The following TBC1D21 variants were observed in gnomAD, a reference collection of about 807,000 sequenced individuals.
TBC1D21 encodes TBC1 domain family member 21.
Under a neutral mutation model 46.0 loss-of-function variants are expected in TBC1D21, and 38 were observed. The ratio of observed to expected loss-of-function variants is 0.83; its 90% CI spans 0.64 to 1.08. TBC1D21 has a LOEUF of 1.08. TBC1D21 is among the 50% of genes least tolerant of loss of function. The pLI is 0.00. For synonymous variants in TBC1D21, 151 were observed against 157.2 expected (o/e 0.96, Z 0.29); for missense variants, 415 against 417.9 (o/e 0.99, Z 0.06).
chr15:73,894,142 G>A (rs1027549904), downstream of TBC1D21, among the ~76,000 whole-genome samples: 23 of 152,300 alleles, frequency 1.5e-4, no homozygotes, highest in Admixed American at 1.5e-3. Flanking sequence ...AATGCTGATG[G>A]GCGAACCCCA....
downstream of TBC1D21, among the ~76,000 whole-genome samples, chr15:73,892,478 G>T (rs1030913431): frequency 2.6e-5 from 4 of 152,206 alleles, no homozygotes; most frequent in African/African-American, 9.7e-5. Flanking sequence ...GGGGCTCTGT[G>T]GTTCTTGGTG....
chr15:73,909,258 G>A, the TBC1D21 span, among the ~76,000 whole-genome samples: 1 of 152,018 alleles, frequency 6.6e-6, no homozygotes, highest in African/African-American at 2.4e-5. Context: ...TGTAGTCCCA[G>A]CTACTCCAGA....
At chr15:73,887,994 A>G (rs1317981078) in intron 9 of TBC1D21, among the ~76,000 whole-genome samples, 1 of 152,242 alleles carries the variant, frequency 6.6e-6, no homozygotes, top group Non-Finnish European at 1.5e-5. Context: ...ACATGAGGAA[A>G]TGGAGGCCTT....
chr15:73,907,400 A>G, the TBC1D21 span, among the ~76,000 whole-genome samples: 1 of 152,182 alleles, frequency 6.6e-6, no homozygotes, highest in Non-Finnish European at 1.5e-5. Context: ...CAGCTTTAGA[A>G]AGTGTGAAAC....
chr15:73,895,196 C>G, the TBC1D21 span, among the ~76,000 whole-genome samples: 2 of 152,192 alleles, frequency 1.3e-5, no homozygotes, highest in African/African-American at 4.8e-5. Flanking sequence ...GAGTTCAGAA[C>G]AGGAGTTTAA....
At chr15:73,894,702 A>G in the TBC1D21 span, among the ~76,000 whole-genome samples, 1 of 152,052 alleles carries the variant, frequency 6.6e-6, no homozygotes, top group Non-Finnish European at 1.5e-5. Flanking sequence ...GACAGGGTGG[A>G]GGAGGGCTGT....
At chr15:73,890,879 GCC>G (rs887600671), downstream of TBC1D21, among the ~76,000 whole-genome samples, 5 of 151,892 alleles carry the variant, frequency 3.3e-5, no homozygotes, top group Non-Finnish European at 7.4e-5. Flanking sequence ...CCCCTCTCAA[GCC>G]CCCCTCCTTG....
At chr15:73,897,569 G>GCCTA in the TBC1D21 span, among the ~76,000 whole-genome samples, 1 of 152,216 alleles carries the variant, frequency 6.6e-6, no homozygotes, top group Non-Finnish European at 1.5e-5. Context: ...GCGTGTGCCA[G>GCCTA]CCTACAGAGG....
chr15:73,882,084 G>A (rs1261613669), intron 3 of TBC1D21, among the ~76,000 whole-genome samples: 1 of 151,774 alleles, frequency 6.6e-6, no homozygotes, highest in Non-Finnish European at 1.5e-5. Flanking sequence ...TCTTCCCTGG[G>A]TGCCACCCCA....
the TBC1D21 span, among the ~76,000 whole-genome samples, chr15:73,901,123 T>G: frequency 1.3e-5 from 2 of 152,202 alleles, no homozygotes; most frequent in African/African-American, 4.8e-5. Context: ...TCCACAGCTC[T>G]GGGGATGCGT....
At chr15:73,901,825 T>G in the TBC1D21 span, among the ~76,000 whole-genome samples, 1 of 152,130 alleles carries the variant, frequency 6.6e-6, no homozygotes, top group East Asian at 1.9e-4. Context: ...TTTTGTTTGT[T>G]TTTTTGAGGT....
At position 73,888,425 on chromosome 15, in the gene TBC1D21, T is replaced by C. The variant is rs761330846; in HGVS notation, c.895-5T>C. The stretch of plus-strand genomic sequence containing the variant: ...ACCCACAACTGCTCCCACACTCCCA[T>C]GCAGGCCTGCAACAACCTCATCGAC... On this transcript the variant is annotated splice_region_variant and splice_polypyrimidine_tract_variant and intron_variant, in intron 9 of 10. Coordinates refer to ENST00000300504, the MANE Select transcript of TBC1D21 (RefSeq NM_153356.3). 7 of 1,613,210 alleles carry C rather than the reference T, an allele frequency of 4.3e-6. No homozygotes were observed. The highest frequency in any genetic ancestry group is 1.3e-5 in the African/African-American group (1 of 75,026).
Position 73,886,504 on chromosome 15 carries a change from C to A in TBC1D21, c.677-8C>A. 6.2e-7 allele frequency: 1 copy of A among 1,612,440 alleles called. No homozygotes were observed. The highest frequency in any genetic ancestry group is 8.5e-7 in the Non-Finnish European group (1 of 1,178,768). The stretch of plus-strand genomic sequence containing the variant: ...CCCTGACCACAGCCTCACCTTCTCT[C>A]CCCACAGAAGGGAAGGGTGCAGGGG... On this transcript the variant is annotated splice_polypyrimidine_tract_variant and splice_region_variant and intron_variant, in intron 7 of 10. Coordinates refer to ENST00000300504, the MANE Select transcript of TBC1D21 (RefSeq NM_153356.3).
intron 1 of TBC1D21, among the ~76,000 whole-genome samples, chr15:73,880,505 T>G (rs1270847381): frequency 6.6e-6 from 1 of 152,188 alleles, no homozygotes; most frequent in East Asian, 1.9e-4. Context: ...GTGCGGTGAC[T>G]AACGCCTGTA....
intron 1 of TBC1D21, among the ~76,000 whole-genome samples, chr15:73,876,405 T>TTG (rs764873057): frequency 2.2e-3 from 332 of 148,206 alleles, no homozygotes; most frequent in Middle Eastern, 0.01. Flanking sequence ...TTTTTGTTTT[T>TTG]TTTTTTTTGT....
downstream of TBC1D21, among the ~76,000 whole-genome samples, chr15:73,890,672 G>A (rs989193337): frequency 6.6e-6 from 1 of 152,046 alleles, no homozygotes; most frequent in Non-Finnish European, 1.5e-5. Flanking sequence ...GACTTCAGAT[G>A]GCCGATTATT....
intron 1 of TBC1D21, among the ~76,000 whole-genome samples, chr15:73,875,038 C>T (rs117656931): frequency 0.12 from 18,707 of 151,916 alleles, 1,409 homozygotes; most frequent in South Asian, 0.23. Flanking sequence ...CCTGAGGTCG[C>T]GAGTTCAAGA....
At chr15:73,902,953 C>G in the TBC1D21 span, among the ~76,000 whole-genome samples, 1 of 152,206 alleles carries the variant, frequency 6.6e-6, no homozygotes, top group Non-Finnish European at 1.5e-5. Context: ...CTGCTGCTCC[C>G]GCAGGTCTGC....
downstream of TBC1D21, among the ~76,000 whole-genome samples, chr15:73,893,062 T>C (rs2068350047): frequency 6.6e-6 from 1 of 152,162 alleles, no homozygotes; most frequent in Admixed American, 6.5e-5. Context: ...GTGGTAATGA[T>C]GTCATCACTG....
Sources: gnomAD v4.1 joint callset for allele counts (sites outside exome capture counted in the v4.1 genomes callset) on GRCh38, gnomAD v4.1.1 for gene constraint, MANE v1.5 for transcripts, NCBI Gene and HGNC (gene_info 2026-07-23, HGNC 2026-07-21) for gene names.